Variants in NXPH1 observed in about 807,000 individuals in gnomAD.
NXPH1 encodes the protein neurexophilin 1, also known as neurexophilin-1.
NXPH1 carries 5 observed loss-of-function variants against 23.7 expected under a neutral mutation model. The observed-to-expected ratio is 0.21, with a 90% CI of 0.11 to 0.44. The LOEUF is 0.44. Among genes scored for constraint, NXPH1 ranks in the 20% least tolerant of loss-of-function variants. NXPH1 has a pLI of 0.99. For synonymous variants in NXPH1, 144 were observed against 122.2 expected, an observed-to-expected ratio of 1.18 and a Z score of -1.18; for missense variants, 324 against 321.6, an observed-to-expected ratio of 1.01 and a Z score of -0.06.
chr7:8,617,665 G>A (rs1457032390), intron 2 of NXPH1, among the ~76,000 whole-genome samples: 3 of 152,062 alleles, frequency 2.0e-5, no homozygotes, highest in Admixed American at 2.0e-4. Flanking sequence ...AAAGATAGTG[G>A]GGAGATTGGG....
At chr7:8,585,009 C>T (rs2128624414) in intron 2 of NXPH1, among the ~76,000 whole-genome samples, 1 of 152,212 alleles carries the variant, frequency 6.6e-6, no homozygotes, top group African/African-American at 2.4e-5. Flanking sequence ...AAAAAGTTGT[C>T]ATTTTACATT....
At chr7:8,710,800 C>T (rs1016473450) in intron 2 of NXPH1, among the ~76,000 whole-genome samples, 4 of 138,448 alleles carry the variant, frequency 2.9e-5, no homozygotes, top group South Asian at 2.3e-4. Context: ...GTAGCTGGGA[C>T]TACAGGCGCC....
chr7:8,575,803 T>C (rs1034276362), intron 2 of NXPH1, among the ~76,000 whole-genome samples: 2 of 152,118 alleles, frequency 1.3e-5, no homozygotes, highest in Non-Finnish European at 2.9e-5. Context: ...GTTAGCTAGC[T>C]ATGGCTTATG....
At chr7:8,461,399 G>A (rs954742208) in intron 2 of NXPH1, among the ~76,000 whole-genome samples, 4 of 152,164 alleles carry the variant, frequency 2.6e-5, no homozygotes, top group Non-Finnish European at 5.9e-5. Context: ...AAACATAAAA[G>A]AATTAAGGAG....
At chr7:8,553,372 A>G (rs924817057) in intron 2 of NXPH1, among the ~76,000 whole-genome samples, 10 of 150,664 alleles carry the variant, frequency 6.6e-5, no homozygotes, top group African/African-American at 2.2e-4. Flanking sequence ...TGTGTATTAG[A>G]AAACATGAAA....
intron 2 of NXPH1, among the ~76,000 whole-genome samples, chr7:8,740,090 G>A (rs1440276397): frequency 1.3e-5 from 2 of 152,218 alleles, no homozygotes; most frequent in African/African-American, 4.8e-5. Context: ...AATGTTTCCA[G>A]TCAGGAGACA....
chr7:8,705,261 A>G (rs887725433), intron 2 of NXPH1, among the ~76,000 whole-genome samples: 17 of 152,200 alleles, frequency 1.1e-4, no homozygotes, highest in African/African-American at 4.1e-4. Context: ...TAGTGGGTCC[A>G]TGGACCCATA....
rs869162322 is a variant in NXPH1 at position 8,655,400 on chromosome 7, TTCTCTCTCTC to T, written c.55-95568_55-95559del. Among the ~76,000 whole-genome samples, 190 of 42,864 alleles carry T rather than the reference TTCTCTCTCTC, an allele frequency of 4.4e-3. 1 individual carries two copies. Among genetic ancestry groups the T allele is most frequent in the African/African-American group, 0.011 (159 of 14,254 alleles). The allele number at this position is 42,864 out of a possible 152,430, so 28.1% of individuals were successfully genotyped here. A position where few individuals can be genotyped will look rare whatever the true frequency, so the allele number is the denominator to read the frequency against. On this transcript the variant is annotated intron_variant, in intron 2 of 2. Coordinates refer to ENST00000405863, the MANE Select transcript of NXPH1 (RefSeq NM_152745.3). ...TCTGTCTCTGTCTTTGTCTTTGTCTTTCTCTCTCTCTCTCTCTCTCTCTCTCTCTCTCTCT... is the reference window on the plus strand; with the variant it reads ...TCTGTCTCTGTCTTTGTCTTTGTCTTTCTCTCTCTCTCTCTCTCTCTCTCT...
chr7:8,707,877 G>C (rs1779728125), intron 2 of NXPH1, among the ~76,000 whole-genome samples: 1 of 152,138 alleles, frequency 6.6e-6, no homozygotes, highest in Middle Eastern at 3.4e-3. Context: ...TTAACTTTTA[G>C]AATTTCCCTT....
chr7:8,478,965 T>G (rs141549960), intron 2 of NXPH1, among the ~76,000 whole-genome samples: 125 of 152,196 alleles, frequency 8.2e-4, no homozygotes, highest in African/African-American at 2.8e-3. Flanking sequence ...GTTGTTCCCT[T>G]GAGAACTTTC....
At chr7:8,597,040 G>C (rs1168349036) in intron 2 of NXPH1, among the ~76,000 whole-genome samples, 1 of 152,084 alleles carries the variant, frequency 6.6e-6, no homozygotes, top group Non-Finnish European at 1.5e-5. Flanking sequence ...AGGATAAAGA[G>C]AGCCCTTCCA....
At position 8,563,728 on chromosome 7, in the gene NXPH1, C is replaced by T. The variant is rs1818490618; in HGVS notation, c.54+127961C>T. ...CTCTATAGATTGAGACAAATATCCC[C>T]AGCAAATGCTTTATCTTTTTACCTG... On this transcript the variant is annotated intron_variant, in intron 2 of 2. Transcript: ENST00000405863. Among the ~76,000 whole-genome samples the T allele has an allele frequency of 1.3e-5, 2 of 151,788 alleles. 1 individual carries two copies. The highest frequency in any genetic ancestry group is 4.2e-4 in the South Asian group (2 of 4,816).
intron 2 of NXPH1, among the ~76,000 whole-genome samples, chr7:8,497,838 C>CT (rs1270604129): frequency 6.6e-6 from 1 of 152,074 alleles, no homozygotes; most frequent in Non-Finnish European, 1.5e-5. Context: ...CTGGTAGTTT[C>CT]TTTTGCTGTG....
At chr7:8,618,445 G>C (rs564721781) in intron 2 of NXPH1, among the ~76,000 whole-genome samples, 4 of 152,128 alleles carry the variant, frequency 2.6e-5, no homozygotes, top group Admixed American at 6.6e-5. Context: ...GCCAATGAGC[G>C]TAAAGGTAAT....
At chr7:8,487,003 T>C (rs1817169626) in intron 2 of NXPH1, among the ~76,000 whole-genome samples, 2 of 152,202 alleles carry the variant, frequency 1.3e-5, no homozygotes, top group African/African-American at 4.8e-5. Context: ...TCAGATATTA[T>C]GCATATAAGA....
intron 2 of NXPH1, among the ~76,000 whole-genome samples, chr7:8,589,821 GATAGCCACCATCCAATAA>G (rs1247159052): frequency 6.6e-6 from 1 of 152,022 alleles, no homozygotes; most frequent in African/African-American, 2.4e-5. Context: ...CCAGTAGATA[GATAGCCACCATCCAATAA>G]CCACCATCTA....
Position 8,627,687 on chromosome 7 carries a change from T to A in NXPH1, c.55-123321T>A, listed in dbSNP as rs186224801. Among the ~76,000 whole-genome samples, 345 of 152,232 alleles carry A rather than the reference T, an allele frequency of 2.3e-3. 1 individual carries two copies. Among genetic ancestry groups the A allele is most frequent in the Non-Finnish European group, 4.3e-3 (295 of 68,000 alleles). ...GTTTCCAGAGAGTTGCATTTTGACTTTTAAAAGGAGATTTTAAAAAATGAT... is the reference window on the plus strand; with the variant it reads ...GTTTCCAGAGAGTTGCATTTTGACTATTAAAAGGAGATTTTAAAAAATGAT... On this transcript the variant is annotated intron_variant, in intron 2 of 2. Coordinates refer to ENST00000405863, the MANE Select transcript of NXPH1 (RefSeq NM_152745.3).
intron 2 of NXPH1, among the ~76,000 whole-genome samples, chr7:8,682,547 C>A (rs909866249): frequency 2.6e-5 from 4 of 152,174 alleles, no homozygotes; most frequent in African/African-American, 9.7e-5. Context: ...AAATAAGAGG[C>A]AAGACTTTAC....
intron 2 of NXPH1, among the ~76,000 whole-genome samples, chr7:8,731,662 G>A (rs1383731724): frequency 6.6e-6 from 1 of 152,184 alleles, no homozygotes; most frequent in Non-Finnish European, 1.5e-5. Flanking sequence ...CGGGGGTCAG[G>A]GGTCAGGGAA....
Sources: allele counts gnomAD v4.1 joint callset (sites outside exome capture counted in the v4.1 genomes callset), GRCh38; gene constraint gnomAD v4.1.1; transcripts MANE v1.5; gene names NCBI Gene and HGNC (gene_info 2026-07-23, HGNC 2026-07-21).